NAV3: variants seen among roughly 807,000 people sequenced by gnomAD.
NAV3 encodes the protein pore membrane and/or filament interacting like protein 1.
A neutral mutation model predicts 244.7 loss-of-function variants in NAV3; 87 were observed. The observed-to-expected ratio is 0.36, with a 90% CI of 0.30 to 0.42. The LOEUF is 0.42. NAV3 is among the 20% of genes least tolerant of loss of function. NAV3 has a pLI of 1.00. For missense variants in NAV3, 2,663 were observed against 2,893.3 expected, an observed-to-expected ratio of 0.92 and a Z score of 1.83; for synonymous variants, 1,126 against 1,042.2, an observed-to-expected ratio of 1.08 and a Z score of -1.55.
At chr12:78,012,962 A>G (rs1875563913) in intron 8 of NAV3, among the ~76,000 whole-genome samples, 1 of 152,150 alleles carries the variant, frequency 6.6e-6, no homozygotes. Flanking sequence ...TGAATGAAAC[A>G]CTATCATCCT....
At chr12:78,203,003 A>AT (rs1371140463) in intron 38 of NAV3, among the ~76,000 whole-genome samples, 2 of 152,000 alleles carry the variant, frequency 1.3e-5, no homozygotes, top group Non-Finnish European at 1.5e-5. Context: ...ATGAAGGCGG[A>AT]TTTTTTTGGT....
intron 14 of NAV3, 25 bp from the exon 15 acceptor site, chr12:78,119,212 T>C (rs1447406451): frequency 1.3e-6 from 2 of 1,592,258 alleles, no homozygotes; most frequent in Non-Finnish European, 1.7e-6. Flanking sequence ...CAGGCACATA[T>C]ATTTGTGTAT....
intron 38 of NAV3, among the ~76,000 whole-genome samples, chr12:78,202,902 A>T (rs1249887480): frequency 6.6e-6 from 1 of 152,158 alleles, no homozygotes; most frequent in Non-Finnish European, 1.5e-5. Flanking sequence ...CTGGCAACAA[A>T]GAATCTTGGA....
chr12:77,968,881 A>G (rs949923708), intron 5 of NAV3, among the ~76,000 whole-genome samples, 179 bp downstream of exon 5: 1 of 152,200 alleles, frequency 6.6e-6, no homozygotes, highest in African/African-American at 2.4e-5. Context: ...GACAAGCAAC[A>G]TCTATCATCT....
At chr12:78,086,858 G>C (rs1004663570) in intron 12 of NAV3, among the ~76,000 whole-genome samples, 1 of 151,876 alleles carries the variant, frequency 6.6e-6, no homozygotes, top group Admixed American at 6.6e-5. Flanking sequence ...GGTTTCACTG[G>C]GTTTCTTTCA....
chr12:78,127,387 T>C (rs1955959333), intron 17 of NAV3, among the ~76,000 whole-genome samples, 179 bp downstream of exon 17: 1 of 152,154 alleles, frequency 6.6e-6, no homozygotes, highest in Non-Finnish European at 1.5e-5. Flanking sequence ...TAGGTAGAGA[T>C]ACTAGTAGAG....
intron 9 of NAV3, among the ~76,000 whole-genome samples, chr12:78,043,173 G>A (rs1221513713): frequency 2.0e-5 from 3 of 152,110 alleles, no homozygotes; most frequent in African/African-American, 7.2e-5. Flanking sequence ...TTGTGAGTGA[G>A]AACATGTGGT....
chr12:77,902,815 G>A (rs547463774), intron 1 of NAV3, among the ~76,000 whole-genome samples: 2 of 152,296 alleles, frequency 1.3e-5, no homozygotes, highest in Admixed American at 1.3e-4. Flanking sequence ...CAAAATCAAT[G>A]TGCAAAAATC....
At chr12:77,725,299 T>C (rs1384544439) in intron 2 of NAV3, among the ~76,000 whole-genome samples, 1 of 152,004 alleles carries the variant, frequency 6.6e-6, no homozygotes, top group Non-Finnish European at 1.5e-5. Flanking sequence ...TGTATCTCAG[T>C]GCTAAAAGCC....
intron 2 of NAV3, among the ~76,000 whole-genome samples, chr12:77,688,604 A>G (rs965200573): frequency 1.4e-4 from 21 of 152,064 alleles, no homozygotes; most frequent in Non-Finnish European, 2.8e-4. Context: ...AGGGTGGAAT[A>G]GTTCAAATAC....
chr12:78,160,390 TGTGTGTGTGCGTGC>T (rs1038628596), intron 23 of NAV3, among the ~76,000 whole-genome samples: 16 of 86,048 alleles, frequency 1.9e-4, no homozygotes, highest in African/African-American at 6.4e-4. Context: ...TGTGTGTGTG[TGTGTGTGTGCGTGC>T]GTGTGTGTGT....
rs2137246319 is a variant in NAV3, at chr12:78,050,812, A to C, written c.2181A>C (p.Gly727=). Residue 727 remains glycine, a synonymous_variant, in exon 11 of 40, where the codon GGA becomes GGC. Transcript: ENST00000397909. ...GCACTGTGACAACAGAAGTTAATGG[A>C]AGGACCATACCCAACTTGACAAGTC... The part of the protein sequence containing the change: ...FDSTVTTEVN[G]RTIPNLTSRP... The C allele has an allele frequency of 9.9e-6, 16 of 1,611,288 alleles. No individual in the cohort carries two copies. Among genetic ancestry groups the C allele is most frequent in the Non-Finnish European group, 1.3e-5 (15 of 1,177,786 alleles).
chr12:77,973,789 G>C (rs1328039599), intron 5 of NAV3, among the ~76,000 whole-genome samples: 2 of 152,050 alleles, frequency 1.3e-5, no homozygotes, highest in African/African-American at 2.4e-5. Flanking sequence ...AGTAATTTAA[G>C]CCCTTGTGAA....
intron 9 of NAV3, among the ~76,000 whole-genome samples, chr12:78,024,552 T>C (rs1323333228): frequency 6.6e-6 from 1 of 152,158 alleles, no homozygotes; most frequent in Non-Finnish European, 1.5e-5. Context: ...GTAAAACATA[T>C]ATACCCACTT....
At chr12:77,626,464 G>A (rs530104653) in intron 2 of NAV3, among the ~76,000 whole-genome samples, 29 of 152,156 alleles carry the variant, frequency 1.9e-4, no homozygotes, top group South Asian at 1.2e-3. Flanking sequence ...CAAAGATTCC[G>A]AAATAGTCTC....
At chr12:77,872,996 G>A (rs539786949) in intron 1 of NAV3, among the ~76,000 whole-genome samples, 1 of 152,310 alleles carries the variant, frequency 6.6e-6, no homozygotes, top group Admixed American at 6.5e-5. Flanking sequence ...AATTGATCAT[G>A]GGGTGGGGAT....
At chr12:77,644,459 A>T (rs567048665) in intron 2 of NAV3, among the ~76,000 whole-genome samples, 2 of 152,244 alleles carry the variant, frequency 1.3e-5, no homozygotes, top group East Asian at 3.9e-4. Flanking sequence ...GCACAGAATT[A>T]TCAGGGGCTT....
At chr12:77,721,675 C>A (rs1246943982) in intron 2 of NAV3, among the ~76,000 whole-genome samples, 1 of 151,988 alleles carries the variant, frequency 6.6e-6, no homozygotes, top group East Asian at 1.9e-4. Flanking sequence ...ATAACTAAGA[C>A]AATAATTCAA....
intron 2 of NAV3, among the ~76,000 whole-genome samples, chr12:77,805,302 T>C (rs1181556173): frequency 6.6e-6 from 1 of 152,178 alleles, no homozygotes. Flanking sequence ...TGGCTGTGGG[T>C]TTGTCATAAA....
Sources: gnomAD v4.1 joint callset for allele counts (sites outside exome capture counted in the v4.1 genomes callset) on GRCh38, gnomAD v4.1.1 for gene constraint, MANE v1.5 for transcripts, NCBI Gene and HGNC (gene_info 2026-07-23, HGNC 2026-07-21) for gene names.